The following CHST8 variants were observed in gnomAD, a reference collection of about 807,000 sequenced individuals.
The protein encoded by CHST8 is GALNAC-4-ST1.
A neutral mutation model predicts 15.0 loss-of-function variants in CHST8; 10 were observed. The ratio of observed to expected loss-of-function variants is 0.67; its 90% confidence interval spans 0.41 to 1.13. The LOEUF (loss-of-function observed/expected upper bound fraction) is 1.13, where lower values mean the gene tolerates loss of function less well. Among genes scored for constraint, CHST8 ranks in the 50% most tolerant of loss-of-function variants. CHST8 has a pLI of 0.00. For synonymous variants in CHST8, 259 were observed against 256.6 expected (o/e 1.01, Z -0.09); for missense variants, 634 against 608.2 (o/e 1.04, Z -0.45).
At chr19:33,736,916 A>G (rs1296084370) in intron 3 of CHST8, among the ~76,000 whole-genome samples, 2 of 152,306 alleles carry the variant, frequency 1.3e-5, no homozygotes, top group South Asian at 2.1e-4. Flanking sequence ...GAAGCTGGCC[A>G]AAACCCGCCA....
At chr19:33,664,443 TC>T (rs1294919447) in intron 1 of CHST8, among the ~76,000 whole-genome samples, 1 of 34,320 alleles carries the variant, frequency 2.9e-5, no homozygotes, top group Non-Finnish European at 5.0e-5. Context: ...CCCTCCCCCC[TC>T]CCCCCTCCCC....
chr19:33,636,173 G>A (rs142487165), intron 1 of CHST8, among the ~76,000 whole-genome samples: 129 of 151,444 alleles, frequency 8.5e-4, no homozygotes, highest in African/African-American at 2.9e-3. Context: ...ATTCAGTAAC[G>A]TTTTACGAGT....
intron 3 of CHST8, among the ~76,000 whole-genome samples, chr19:33,730,814 G>A (rs1196165154): frequency 2.0e-5 from 3 of 152,324 alleles, no homozygotes; most frequent in East Asian, 3.9e-4. Flanking sequence ...TTCAAAAGTA[G>A]GGAATCCAAC....
chr19:33,738,268 A>G (rs1027292964), intron 3 of CHST8, among the ~76,000 whole-genome samples: 3 of 152,154 alleles, frequency 2.0e-5, no homozygotes, highest in African/African-American at 7.2e-5. Context: ...GCAGCATTTG[A>G]CCTCTGCCTT....
chr19:33,697,312 C>G (rs1232654001), intron 3 of CHST8, among the ~76,000 whole-genome samples: 1 of 152,134 alleles, frequency 6.6e-6, no homozygotes, highest in East Asian at 1.9e-4. Context: ...TCACTGCAGC[C>G]TTGACTTCCT....
intron 1 of CHST8, among the ~76,000 whole-genome samples, chr19:33,666,795 C>T (rs566380894): frequency 2.8e-4 from 43 of 152,244 alleles, no homozygotes; most frequent in Middle Eastern, 6.8e-3. Context: ...ATCCGCCTCC[C>T]GGGTTCAAGC....
intron 1 of CHST8, among the ~76,000 whole-genome samples, chr19:33,644,781 G>A (rs577437235): frequency 2.6e-5 from 4 of 152,166 alleles, no homozygotes; most frequent in African/African-American, 4.8e-5. Flanking sequence ...GTGTTAGAAT[G>A]TGGCACTTGC....
At chr19:33,743,258 C>A (rs368987937) in intron 3 of CHST8, among the ~76,000 whole-genome samples, 4 of 151,398 alleles carry the variant, frequency 2.6e-5, no homozygotes, top group Non-Finnish European at 4.4e-5. Flanking sequence ...CCTTTGGGAG[C>A]CTTTTGATCT....
At chr19:33,743,467 A>G (rs1458584163) in intron 3 of CHST8, among the ~76,000 whole-genome samples, 2 of 151,150 alleles carry the variant, frequency 1.3e-5, no homozygotes. Flanking sequence ...TCGCCCGGCT[A>G]ATTTTTTCTA....
At chr19:33,657,270 CTTTTT>C (rs60317430) in intron 1 of CHST8, among the ~76,000 whole-genome samples, 8 of 140,458 alleles carry the variant, frequency 5.7e-5, no homozygotes, top group African/African-American at 2.1e-4. Flanking sequence ...CACACACACA[CTTTTT>C]TTTTTTTTTT....
chr19:33,757,234 A>T (rs185700595), intron 3 of CHST8, among the ~76,000 whole-genome samples: 20 of 151,502 alleles, frequency 1.3e-4, no homozygotes, highest in Non-Finnish European at 2.5e-4. Context: ...TACTGAAAAC[A>T]CAAAATTTAG....
chr19:33,674,751 G>T (rs1476152406), intron 2 of CHST8, among the ~76,000 whole-genome samples: 1 of 152,166 alleles, frequency 6.6e-6, no homozygotes, highest in Non-Finnish European at 1.5e-5. Context: ...TTCCCTCCAG[G>T]CTGCGTAGAG....
At chr19:33,732,481 G>A (rs1189407229) in intron 3 of CHST8, among the ~76,000 whole-genome samples, 2 of 151,764 alleles carry the variant, frequency 1.3e-5, no homozygotes, top group East Asian at 2.0e-4. Flanking sequence ...AGGTGTTCCT[G>A]TGAATCTGTA....
intron 2 of CHST8, among the ~76,000 whole-genome samples, chr19:33,682,152 GGT>G (rs71181375): frequency 0.01 from 1,467 of 146,402 alleles, 27 homozygotes; most frequent in African/African-American, 0.031. Flanking sequence ...CACCGTGCCT[GGT>G]GTGTGTGTGT....
chr19:33,687,096 CT>C (rs1972994444), intron 2 of CHST8, among the ~76,000 whole-genome samples: 3 of 152,258 alleles, frequency 2.0e-5, no homozygotes. Context: ...ACAGCTTTGC[CT>C]GCCTTGTCAG....
At chr19:33,699,000 C>G (rs2145274070) in intron 3 of CHST8, among the ~76,000 whole-genome samples, 1 of 152,304 alleles carries the variant, frequency 6.6e-6, no homozygotes, top group South Asian at 2.1e-4. Flanking sequence ...TACATCTACT[C>G]CACATTTCCA....
intron 3 of CHST8, among the ~76,000 whole-genome samples, chr19:33,696,515 C>G (rs1973220509): frequency 6.6e-6 from 1 of 152,222 alleles, no homozygotes; most frequent in East Asian, 1.9e-4. Flanking sequence ...ACCTGATGAT[C>G]TGTCACTGGA....
chr19:33,710,872 G>GTTT (rs10532515), intron 3 of CHST8, among the ~76,000 whole-genome samples: 4 of 138,610 alleles, frequency 2.9e-5, no homozygotes, highest in Non-Finnish European at 4.7e-5. Context: ...AATTTCTGGA[G>GTTT]TTTTTTTTTT....
At chr19:33,751,763 AGT>A (rs1405806829) in intron 3 of CHST8, among the ~76,000 whole-genome samples, 1 of 152,234 alleles carries the variant, frequency 6.6e-6, no homozygotes, top group Non-Finnish European at 1.5e-5. Context: ...TTTGAGACTC[AGT>A]GAGTGCCCTC....
Sources: allele counts gnomAD v4.1 joint callset (sites outside exome capture counted in the v4.1 genomes callset), GRCh38; gene constraint gnomAD v4.1.1; transcripts MANE v1.5; gene names NCBI Gene and HGNC (gene_info 2026-07-23, HGNC 2026-07-21).